Variants in NCKAP5 observed in about 807,000 individuals in gnomAD.
The protein encoded by NCKAP5 is NCK associated protein 5.
A neutral mutation model predicts 167.0 loss-of-function variants in NCKAP5; 92 were observed. That is an observed-to-expected ratio of 0.55 (90% CI 0.47 to 0.66). NCKAP5 has a LOEUF of 0.66. Among genes scored for constraint, NCKAP5 ranks in the 30% least tolerant of loss-of-function variants. The pLI is 0.00. For missense variants in NCKAP5, 2,378 were observed against 2,315.0 expected (o/e 1.03, Z -0.56); for synonymous variants, 891 against 877.4 (o/e 1.02, Z -0.27).
the NCKAP5 span, among the ~76,000 whole-genome samples, chr2:133,649,947 T>C: frequency 1.1e-4 from 17 of 152,212 alleles, no homozygotes; most frequent in Non-Finnish European, 1.2e-4. Context: ...TCTTATATAT[T>C]GGAAAGCCTA....
chr2:133,247,340 A>C (rs2088050978), intron 4 of NCKAP5, among the ~76,000 whole-genome samples: 1 of 152,226 alleles, frequency 6.6e-6, no homozygotes, highest in Non-Finnish European at 1.5e-5. Context: ...GAGAAGCATT[A>C]AAAATAAATT....
chr2:132,999,491 C>T (rs1385317935), intron 6 of NCKAP5, among the ~76,000 whole-genome samples: 2 of 152,112 alleles, frequency 1.3e-5, no homozygotes, highest in African/African-American at 2.4e-5. Flanking sequence ...AGAGCTGGTC[C>T]GTCTAGACAC....
At chr2:132,744,177 T>C (rs967855823) in intron 16 of NCKAP5, among the ~76,000 whole-genome samples, 23 of 151,678 alleles carry the variant, frequency 1.5e-4, no homozygotes, top group Admixed American at 1.4e-3. Flanking sequence ...AATTTAAAAC[T>C]TTGACCAATG....
intron 4 of NCKAP5, among the ~76,000 whole-genome samples, chr2:133,257,421 A>C (rs1262563022): frequency 1.3e-5 from 2 of 152,230 alleles, no homozygotes; most frequent in Admixed American, 6.5e-5. Flanking sequence ...TACAGAGAAC[A>C]AATGAGTTAT....
At chr2:133,481,601 T>C (rs1432691314) in intron 3 of NCKAP5, among the ~76,000 whole-genome samples, 1 of 152,168 alleles carries the variant, frequency 6.6e-6, no homozygotes, top group Non-Finnish European at 1.5e-5. Context: ...CACCCTCCGA[T>C]AGGCCCCAGT....
At chr2:133,146,295 T>TA (rs1325258941) in intron 5 of NCKAP5, among the ~76,000 whole-genome samples, 2 of 151,698 alleles carry the variant, frequency 1.3e-5, no homozygotes, top group Non-Finnish European at 2.9e-5. Context: ...AACATCTAGA[T>TA]AAAAAAGCAA....
At chr2:133,446,807 G>A (rs1253689466) in intron 3 of NCKAP5, among the ~76,000 whole-genome samples, 1 of 152,156 alleles carries the variant, frequency 6.6e-6, no homozygotes, top group Non-Finnish European at 1.5e-5. Flanking sequence ...GGAGAGAGGG[G>A]AGAGGCAGGA....
At chr2:132,808,718 GTTTCA>G (rs1165583544) in intron 11 of NCKAP5, among the ~76,000 whole-genome samples, 1 of 151,686 alleles carries the variant, frequency 6.6e-6, no homozygotes, top group Non-Finnish European at 1.5e-5. Context: ...CCAGTTTTTT[GTTTCA>G]TTTATCTTTT....
rs1305114152 is a variant in NCKAP5, at chr2:132,782,389, T to G, written c.4422A>C (p.Glu1474Asp). 7 of 1,613,948 alleles carry G rather than the reference T, an allele frequency of 4.3e-6. No homozygotes were observed. Among genetic ancestry groups the G allele is most frequent in the Non-Finnish European group, 5.9e-6 (7 of 1,179,916 alleles). ...SEAPLSPTIE[E>D]KVMLCIQENV... ...TTTCCTGAATGCACAACATGACCTT[T>G]TCTTCGATTGTGGGTGAGAGGGGGG... The change falls in exon 14 of 20, where the codon GAA becomes GAC. Residue 1474 changes from glutamate to aspartate, a missense_variant. By Grantham distance (45) the Glu-to-Asp change is conservative (BLOSUM62 2). Coordinates refer to ENST00000409261, the MANE Select transcript of NCKAP5 (RefSeq NM_207363.3).
chr2:132,784,016 G>C lies in NCKAP5; in HGVS notation c.2795C>G (p.Pro932Arg). The C allele has an allele frequency of 6.4e-7, 1 of 1,567,186 alleles. No individual in the cohort carries two copies. The highest frequency in any genetic ancestry group is 2.3e-5 in the East Asian group (1 of 44,370). Residue 932 changes from proline (P) to arginine (R), a missense_variant, in exon 14 of 20, where the codon CCT becomes CGT. Transcript: ENST00000409261. Reference protein sequence around the residue: ...AGVKSPSPPPPPGRSVSLLAR... With the variant: ...AGVKSPSPPPRPGRSVSLLAR... ...CAGCAGGGAGACGGACCTGCCTGGA[G>C]GGGGCGGAGGGGAAGGGGATTTCAC...
intron 4 of NCKAP5, among the ~76,000 whole-genome samples, chr2:133,240,580 C>T (rs1404684992): frequency 6.6e-6 from 1 of 152,206 alleles, no homozygotes; most frequent in Non-Finnish European, 1.5e-5. Flanking sequence ...AGCCATTATT[C>T]ACTAATTTCA....
the NCKAP5 span, among the ~76,000 whole-genome samples, chr2:133,661,269 T>A: frequency 6.6e-6 from 1 of 151,992 alleles, no homozygotes. Flanking sequence ...GAAGCAGAAA[T>A]CAAATTTGAT....
At chr2:133,000,727 TA>T (rs1031550932) in intron 6 of NCKAP5, among the ~76,000 whole-genome samples, 9 of 152,162 alleles carry the variant, frequency 5.9e-5, no homozygotes, top group African/African-American at 2.2e-4. Flanking sequence ...TTTTTAATTT[TA>T]AAAATTCAAA....
intron 11 of NCKAP5, among the ~76,000 whole-genome samples, chr2:132,818,162 G>A (rs886167589): frequency 6.6e-6 from 1 of 152,142 alleles, no homozygotes; most frequent in Non-Finnish European, 1.5e-5. Flanking sequence ...TGCCCAGGCT[G>A]GTTTCCAACT....
intron 3 of NCKAP5, among the ~76,000 whole-genome samples, chr2:133,428,769 GACAAT>G (rs1689967091): frequency 6.6e-6 from 1 of 151,932 alleles, no homozygotes; most frequent in Admixed American, 6.6e-5. Flanking sequence ...ACTGCAACTG[GACAAT>G]ACGTATTTGA....
At chr2:133,449,740 C>T (rs1397974852) in intron 3 of NCKAP5, among the ~76,000 whole-genome samples, 1 of 151,902 alleles carries the variant, frequency 6.6e-6, no homozygotes, top group African/African-American at 2.4e-5. Context: ...CCTTTTCTCT[C>T]TTATGTGCTG....
intron 6 of NCKAP5, among the ~76,000 whole-genome samples, chr2:133,091,282 T>C (rs1012976511): frequency 7.9e-5 from 12 of 152,190 alleles, no homozygotes; most frequent in African/African-American, 2.9e-4. Context: ...CCTATGGATC[T>C]TAGCTTGAGA....
intron 8 of NCKAP5, among the ~76,000 whole-genome samples, chr2:132,900,399 TG>T (rs1364304997): frequency 6.6e-6 from 1 of 152,142 alleles, no homozygotes; most frequent in Non-Finnish European, 1.5e-5. Context: ...CACCTAGTTT[TG>T]ATAATAAAGA....
At chr2:133,476,856 G>A (rs1401939764) in intron 3 of NCKAP5, among the ~76,000 whole-genome samples, 1 of 152,106 alleles carries the variant, frequency 6.6e-6, no homozygotes, top group Non-Finnish European at 1.5e-5. Context: ...AAATCAATAA[G>A]GTAGTTACAG....
Sources: gnomAD v4.1 joint callset for allele counts (sites outside exome capture counted in the v4.1 genomes callset) on GRCh38, gnomAD v4.1.1 for gene constraint, MANE v1.5 for transcripts, NCBI Gene and HGNC (gene_info 2026-07-23, HGNC 2026-07-21) for gene names.